The following NCKAP5 variants were observed in gnomAD, a reference collection of about 807,000 sequenced individuals.
NCKAP5 encodes the protein NCK associated protein 5, also known as nck-associated protein 5.
In NCKAP5, 92 loss-of-function variants were observed where a neutral mutation model predicts 167.0. The ratio of observed to expected loss-of-function variants is 0.55; its 90% confidence interval spans 0.47 to 0.66. The LOEUF is 0.66. Among genes scored for constraint, NCKAP5 ranks in the 30% least tolerant of loss-of-function variants. The pLI is 0.00. For synonymous variants in NCKAP5, 891 were observed against 877.4 expected (o/e 1.02, Z -0.27); for missense variants, 2,378 against 2,315.0 (o/e 1.03, Z -0.56).
intron 16 of NCKAP5, among the ~76,000 whole-genome samples, chr2:132,761,047 T>C (rs1039568696): frequency 8.8e-6 from 1 of 113,504 alleles, no homozygotes; most frequent in Admixed American, 8.2e-5. Context: ...TCCTCTTTTT[T>C]CCCCCTCTTT....
intron 8 of NCKAP5, among the ~76,000 whole-genome samples, chr2:132,894,560 G>C (rs1404436417): frequency 1.3e-5 from 2 of 152,158 alleles, no homozygotes; most frequent in Non-Finnish European, 2.9e-5. Flanking sequence ...TTGCATGTTT[G>C]TATGAAATTA....
chr2:133,470,081 G>A (rs1185489818), intron 3 of NCKAP5, among the ~76,000 whole-genome samples: 1 of 151,906 alleles, frequency 6.6e-6, no homozygotes. Flanking sequence ...GAGGAGGAGA[G>A]GTGCTCTGCT....
chr2:133,590,679 C>T, the NCKAP5 span, among the ~76,000 whole-genome samples: 10 of 152,110 alleles, frequency 6.6e-5, no homozygotes, highest in African/African-American at 2.4e-4. Flanking sequence ...ATTCTCAGTT[C>T]GTTGAACTGT....
At chr2:133,041,604 C>T (rs2079219823) in intron 6 of NCKAP5, among the ~76,000 whole-genome samples, 1 of 152,078 alleles carries the variant, frequency 6.6e-6, no homozygotes, top group Non-Finnish European at 1.5e-5. Context: ...AATTTTCTTT[C>T]TTATCTGAGA....
At chr2:133,485,038 T>A (rs182940776) in intron 3 of NCKAP5, among the ~76,000 whole-genome samples, 32 of 151,744 alleles carry the variant, frequency 2.1e-4, no homozygotes, top group Admixed American at 1.0e-3. Flanking sequence ...TGGCTTGATG[T>A]AGTATATGCC....
chr2:133,357,781 T>G (rs1684838922), intron 3 of NCKAP5, among the ~76,000 whole-genome samples: 1 of 152,232 alleles, frequency 6.6e-6, no homozygotes, highest in Non-Finnish European at 1.5e-5. Flanking sequence ...CTTAAAACAC[T>G]TCAGTACTTC....
chr2:133,614,591 T>G, the NCKAP5 span, among the ~76,000 whole-genome samples: 12 of 151,480 alleles, frequency 7.9e-5, no homozygotes, highest in Admixed American at 5.3e-4. Context: ...AGAAGGGAAG[T>G]TTAGAGAAAA....
At chr2:132,777,405 C>T (rs1387338564) in intron 15 of NCKAP5, among the ~76,000 whole-genome samples, 1 of 152,078 alleles carries the variant, frequency 6.6e-6, no homozygotes, top group African/African-American at 2.4e-5. Flanking sequence ...TATCAATTCA[C>T]CATTGATATA....
At chr2:133,508,974 G>A (rs779382430) in intron 3 of NCKAP5, among the ~76,000 whole-genome samples, 7 of 152,086 alleles carry the variant, frequency 4.6e-5, no homozygotes, top group Non-Finnish European at 5.9e-5. Context: ...TGATCTCAGC[G>A]ACAACAAGGA....
In NCKAP5 at chr2:132,903,074, G is replaced by A. The variant is rs141482174; in HGVS notation, c.580-24158C>T. ...TAAAATGAGAGTAAAAACAGTACCT[G>A]GATCACAGGTTGTTGTGAGGGTCAC... On this transcript the variant is annotated intron_variant, in intron 8 of 19. Transcript: ENST00000409261. 1.3e-3 allele frequency among the ~76,000 whole-genome samples: 198 copies of A among 152,264 alleles called. 1 individual carries two copies. The highest frequency in any genetic ancestry group is 2.1e-3 in the Non-Finnish European group (140 of 68,022).
chr2:132,791,942 A>G (rs185924018), intron 12 of NCKAP5, among the ~76,000 whole-genome samples: 1 of 152,328 alleles, frequency 6.6e-6, no homozygotes, highest in East Asian at 1.9e-4. Flanking sequence ...TCCTGTATAG[A>G]TGTTGGGGTA....
intron 6 of NCKAP5, among the ~76,000 whole-genome samples, chr2:133,030,224 G>C (rs1245330820): frequency 6.6e-6 from 1 of 152,204 alleles, no homozygotes; most frequent in African/African-American, 2.4e-5. Context: ...GAATGACCTT[G>C]GGGGTCACAG....
At chr2:133,399,594 G>A (rs1687972742) in intron 3 of NCKAP5, among the ~76,000 whole-genome samples, 1 of 152,110 alleles carries the variant, frequency 6.6e-6, no homozygotes, top group South Asian at 2.1e-4. Flanking sequence ...AGACTGAAGA[G>A]AAATTCCCTT....
chr2:132,836,651 G>A (rs1195474088), intron 11 of NCKAP5, among the ~76,000 whole-genome samples: 1 of 152,068 alleles, frequency 6.6e-6, no homozygotes, highest in Non-Finnish European at 1.5e-5. Context: ...CACCCAAGCA[G>A]TATACACTGC....
In NCKAP5 at chr2:133,027,957, A is replaced by G. The variant is rs915641308; in HGVS notation, c.342-33718T>C. On this transcript the variant is annotated intron_variant, in intron 6 of 19. Coordinates refer to ENST00000409261, the MANE Select transcript of NCKAP5 (RefSeq NM_207363.3). ...TACCTCTGAACATGTTTTCTCATGGACCCAGAAAAGTTAATATAAATTCAA... is the reference window on the plus strand; with the variant it reads ...TACCTCTGAACATGTTTTCTCATGGGCCCAGAAAAGTTAATATAAATTCAA... 4.6e-5 allele frequency among the ~76,000 whole-genome samples: 7 copies of G among 152,278 alleles called. No individual in the cohort carries two copies. The East Asian group carries it at 7.7e-4, about 17-fold the overall frequency.
rs948371353 is a variant in NCKAP5 at position 132,932,878 on chromosome 2, T to C, written c.579+30842A>G. 2.6e-5 allele frequency among the ~76,000 whole-genome samples: 4 copies of C among 151,486 alleles called. No homozygotes were observed. In the East Asian group the frequency reaches 7.8e-4, roughly 30 times the overall value. ...AAGATTAAAGGTAAACAGGCGTAGT[T>C]CAATATCAACACTTTAGGCAAATCT... On this transcript the variant is annotated intron_variant, in intron 8 of 19. Transcript: ENST00000409261.
At chr2:132,878,683 A>G (rs911019206) in intron 9 of NCKAP5, among the ~76,000 whole-genome samples, 165 bp downstream of exon 9, 1 of 151,440 alleles carries the variant, frequency 6.6e-6, no homozygotes, top group Non-Finnish European at 1.5e-5. Context: ...CACACCGCCC[A>G]CACACACACA....
intron 6 of NCKAP5, among the ~76,000 whole-genome samples, chr2:133,006,157 G>A (rs997719226): frequency 1.4e-4 from 21 of 152,128 alleles, no homozygotes; most frequent in African/African-American, 4.8e-4. Flanking sequence ...TACTTGGGAG[G>A]CTGAGGTGGG....
At chr2:133,012,946 C>T (rs6430385) in intron 6 of NCKAP5, among the ~76,000 whole-genome samples, 123,438 of 152,000 alleles carry the variant, frequency 0.81, 50,743 homozygotes, top group African/African-American at 0.94. Flanking sequence ...ATATCTCACA[C>T]AGGCTCTCTG....
Sources: gnomAD v4.1 joint callset for allele counts (sites outside exome capture counted in the v4.1 genomes callset) on GRCh38, gnomAD v4.1.1 for gene constraint, MANE v1.5 for transcripts, NCBI Gene and HGNC (gene_info 2026-07-23, HGNC 2026-07-21) for gene names.